The following MS4A2 variants were observed in gnomAD, a reference collection of about 807,000 sequenced individuals.
The protein encoded by MS4A2 is membrane spanning 4-domains A2.
Under a neutral mutation model 27.9 loss-of-function variants are expected in MS4A2, and 26 were observed. The ratio of observed to expected loss-of-function variants is 0.93; its 90% CI spans 0.68 to 1.29. The LOEUF is 1.29. MS4A2 is among the 50% of genes most tolerant of loss of function. The pLI, the probability that MS4A2 is intolerant of heterozygous loss-of-function variation, is 0.00. For synonymous variants in MS4A2, 110 were observed against 98.8 expected (o/e 1.11, Z -0.67); for missense variants, 284 against 284.6 (o/e 1.00, Z 0.01).
At chr11:60,089,619 TTCTG>T in intron 1 of MS4A2, 69 bp from the exon 2 acceptor site, 1 of 1,597,590 alleles carries the variant, frequency 6.3e-7, no homozygotes, top group Non-Finnish European at 8.6e-7. Flanking sequence ...AAACTCCCCT[TTCTG>T]TCTGTCGAGA....
At chr11:60,090,198 A>T (rs557725800) in intron 2 of MS4A2, 138 bp from the exon 3 acceptor site, 1 of 903,528 alleles carries the variant, frequency 1.1e-6, no homozygotes, top group African/African-American at 1.6e-5. Flanking sequence ...TATCCTGGAA[A>T]ATCTTACGTG....
chr11:60,090,120 G>T (rs976697236), intron 2 of MS4A2, among the ~76,000 whole-genome samples: 4 of 152,156 alleles, frequency 2.6e-5, no homozygotes, highest in African/African-American at 4.8e-5. Flanking sequence ...ACATAAAGGC[G>T]CATGGAGAAA....
In MS4A2 at chr11:60,094,066, G is replaced by C; in HGVS notation, c.636+4G>C. 1 of 1,592,512 alleles carries C rather than the reference G, an allele frequency of 6.3e-7. No homozygotes were observed. The highest frequency in any genetic ancestry group is 8.6e-7 in the Non-Finnish European group (1 of 1,160,440). ...GGAAGAACTCAAAGGAAACAAGGTAGATAGAAGCCCGATATAAAATCTTGA... is the reference window on the plus strand; with the variant it reads ...GGAAGAACTCAAAGGAAACAAGGTACATAGAAGCCCGATATAAAATCTTGA... On this transcript the variant is annotated splice_donor_region_variant and intron_variant, in intron 6 of 6. Transcript: ENST00000278888.
chr11:60,092,996 G>A, intron 4 of MS4A2, 148 bp downstream of exon 4: 1 of 806,358 alleles, frequency 1.2e-6, no homozygotes, highest in South Asian at 1.6e-5. Context: ...GTGTCCTAAG[G>A]CTTTTTGCAA....
chr11:60,088,549 A>T, upstream of MS4A2: 1 of 1,310,266 alleles, frequency 7.6e-7, no homozygotes, highest in Non-Finnish European at 1.0e-6. Flanking sequence ...TATTTAGTAG[A>T]CTTCTTAATT....
rs776731338 is a variant in MS4A2 at position 60,088,786 on chromosome 11, G to T, written c.21G>T (p.Arg7Ser). 4 of 1,612,090 alleles carry T rather than the reference G, an allele frequency of 2.5e-6. No homozygotes were observed. The Admixed American group carries it at 5.0e-5, about 20-fold the overall frequency. ...AAAAAATGGACACAGAAAGTAATAG[G>T]AGAGCAAATCTTGCTCTCCCACAGG... Reference protein sequence around the residue: MDTESNRRANLALPQEP... With the variant: MDTESNSRANLALPQEP... Residue 7 changes from arginine to serine, a missense_variant, in exon 1 of 7, where the codon AGG becomes AGT. By Grantham distance (110) the Arg-to-Ser change is moderately radical. Coordinates refer to ENST00000278888, the MANE Select transcript of MS4A2 (RefSeq NM_000139.5).
In MS4A2 at chr11:60,095,931, C is replaced by A; in HGVS notation, c.*275C>A. 1 of 432,306 alleles carries A rather than the reference C, an allele frequency of 2.3e-6. No homozygotes were observed. Among genetic ancestry groups the A allele is most frequent in the South Asian group, 2.4e-5 (1 of 42,098 alleles). The allele number at this position is 432,306 out of a possible 1,614,324, so 26.8% of individuals were successfully genotyped here. A position where few individuals can be genotyped will look rare whatever the true frequency, so the allele number is the denominator to read the frequency against. ...TCAACATGTAGTAAGCAAGATTTAA[C>A]TGTTTGATTATAACTGTGCAAATAC... On this transcript the variant is annotated 3_prime_UTR_variant, in exon 7 of 7. Coordinates refer to ENST00000278888, the MANE Select transcript of MS4A2 (RefSeq NM_000139.5).
chr11:60,092,845 T>A lies in MS4A2; in HGVS notation c.375T>A (p.Tyr125Ter). The change falls in exon 4 of 7, where the codon TAT (tyrosine) becomes TAA (stop). Residue 125 changes from tyrosine (Y) to a stop codon, truncating the protein, a stop_gained. Coordinates refer to ENST00000278888, the MANE Select transcript of MS4A2 (RefSeq NM_000139.5). LOFTEE classifies it high-confidence loss of function. ...SIISERRNAT[Y>*]LVRGSLGANT... ...TATCTGAAAGGAGAAATGCAACATA[T>A]CTGGTGAGTTGCCCGTTTCTGTCTT... 1 of 1,613,434 alleles carries A rather than the reference T, an allele frequency of 6.2e-7. No homozygotes were observed. The highest frequency in any genetic ancestry group is 8.5e-7 in the Non-Finnish European group (1 of 1,179,464).
chr11:60,097,813 TA>T lies in MS4A2; in HGVS notation c.*2159del, dbSNP rs1395966228. The T allele has an allele frequency of 6.6e-6, 1 of 152,246 alleles. No individual in the cohort carries two copies. The highest frequency in any genetic ancestry group is 1.5e-5 in the Non-Finnish European group (1 of 68,044). 9.4% of individuals were successfully genotyped at this position (152,246 alleles called of 1,614,324 possible). On this transcript the variant is annotated 3_prime_UTR_variant, in exon 7 of 7. Transcript: ENST00000278888. ...ATTAAGTGACTTGGTATGCTTTATTTAATTGTAGGGCCTGAGGTTTTCCATT... is the reference window on the plus strand; with the variant it reads ...ATTAAGTGACTTGGTATGCTTTATTTATTGTAGGGCCTGAGGTTTTCCATT...
intron 5 of MS4A2, 199 bp from the exon 6 acceptor site, chr11:60,093,765 T>C (rs955341830): frequency 2.5e-6 from 2 of 813,490 alleles, no homozygotes; most frequent in African/African-American, 1.7e-5. Flanking sequence ...AGTTATCTAC[T>C]GCAAGTGACG....
rs1855791672 is a variant in MS4A2, at chr11:60,092,865, T to C, written c.378+17T>C. On this transcript the variant is annotated intron_variant, in intron 4 of 6. Coordinates refer to ENST00000278888, the MANE Select transcript of MS4A2 (RefSeq NM_000139.5). Reference sequence around the variant, plus strand: ...ACATATCTGGTGAGTTGCCCGTTTCTGTCTTTGTCCATCCTTGAAAAGATA... The same window carrying C: ...ACATATCTGGTGAGTTGCCCGTTTCCGTCTTTGTCCATCCTTGAAAAGATA... The C allele has an allele frequency of 2.5e-6, 4 of 1,611,090 alleles. No individual in the cohort carries two copies. The highest frequency in any genetic ancestry group is 3.4e-6 in the Non-Finnish European group (4 of 1,177,408).
intron 1 of MS4A2, 60 bp from the exon 2 acceptor site, chr11:60,089,632 G>A: frequency 6.2e-7 from 1 of 1,608,636 alleles, no homozygotes. Flanking sequence ...TGTCTGTCGA[G>A]AATGTTGCAC....
intron 3 of MS4A2, among the ~76,000 whole-genome samples, chr11:60,092,304 T>TTC (rs1443885955): frequency 6.6e-6 from 1 of 151,906 alleles, no homozygotes; most frequent in African/African-American, 2.4e-5. Context: ...CACTTTTTTT[T>TTC]TTTTTTTTTA....
chr11:60,095,033 T>G (rs1418804348), intron 6 of MS4A2, among the ~76,000 whole-genome samples: 2 of 151,538 alleles, frequency 1.3e-5, no homozygotes, highest in Non-Finnish European at 2.9e-5. Flanking sequence ...AGGCCAAAGC[T>G]GAAGAATAAT....
chr11:60,091,646 C>T (rs971238205), intron 3 of MS4A2, among the ~76,000 whole-genome samples: 3 of 152,278 alleles, frequency 2.0e-5, no homozygotes, highest in Non-Finnish European at 4.4e-5. Flanking sequence ...TGTCTTCCTT[C>T]GCTGCACAGT....
intron 3 of MS4A2, among the ~76,000 whole-genome samples, chr11:60,091,647 G>A (rs751837523): frequency 2.6e-5 from 4 of 151,970 alleles, no homozygotes; most frequent in African/African-American, 4.8e-5. Context: ...GTCTTCCTTC[G>A]CTGCACAGTT....
Position 60,096,076 on chromosome 11 carries a change from C to T in MS4A2, c.*420C>T, listed in dbSNP as rs1412921067. 2.1e-5 allele frequency: 5 copies of T among 234,886 alleles called. No homozygotes were observed. The highest frequency in any genetic ancestry group is 1.1e-4 in the East Asian group (1 of 9,014). 14.6% of individuals were successfully genotyped at this position (234,886 alleles called of 1,614,324 possible). A position where few individuals can be genotyped will look rare whatever the true frequency, so the allele number is the denominator to read the frequency against. On this transcript the variant is annotated 3_prime_UTR_variant, in exon 7 of 7. Coordinates refer to ENST00000278888, the MANE Select transcript of MS4A2 (RefSeq NM_000139.5). The stretch of plus-strand genomic sequence containing the variant: ...TAGTTACAGTTGGGCATGATTTGTA[C>T]CATCCACCCATACCCACACAGTCAC...
intron 3 of MS4A2, among the ~76,000 whole-genome samples, chr11:60,092,040 A>C (rs1855768199): frequency 6.6e-6 from 1 of 152,214 alleles, no homozygotes; most frequent in Non-Finnish European, 1.5e-5. Flanking sequence ...TATGCATGCC[A>C]CAGACACGTG....
chr11:60,090,259 G>A (rs937103528), intron 2 of MS4A2, 77 bp from the exon 3 acceptor site: 1 of 1,430,408 alleles, frequency 7.0e-7, no homozygotes, highest in Admixed American at 1.7e-5. Context: ...TCTCATGTTT[G>A]GCTTCTATTA....
Sources: allele counts gnomAD v4.1 joint callset (sites outside exome capture counted in the v4.1 genomes callset), GRCh38; gene constraint gnomAD v4.1.1; transcripts MANE v1.5; gene names NCBI Gene and HGNC (gene_info 2026-07-23, HGNC 2026-07-21).